The following TFCP2 variants were observed in gnomAD, a reference collection of about 807,000 sequenced individuals.
The protein encoded by TFCP2 is alpha-globin transcription factor CP2.
In TFCP2, 33 loss-of-function variants were observed where a neutral mutation model predicts 73.4. The ratio of observed to expected loss-of-function variants is 0.45; its 90% CI spans 0.34 to 0.60. The LOEUF (loss-of-function observed/expected upper bound fraction) is 0.60, where lower values mean the gene tolerates loss of function less well. Among genes scored for constraint, TFCP2 ranks in the 20% least tolerant of loss-of-function variants. The pLI is 0.01. For synonymous variants in TFCP2, 193 were observed against 211.6 expected (o/e 0.91, Z 0.76); for missense variants, 352 against 604.0 (o/e 0.58, Z 4.37).
intron 1 of TFCP2, among the ~76,000 whole-genome samples, chr12:51,126,586 A>T (rs1940824641): frequency 6.6e-6 from 1 of 152,200 alleles, no homozygotes; most frequent in African/African-American, 2.4e-5. Context: ...TAGAAAAGGG[A>T]GAAGGAGAGG....
At chr12:51,137,414 T>C (rs1027962024) in intron 1 of TFCP2, among the ~76,000 whole-genome samples, 1 of 152,208 alleles carries the variant, frequency 6.6e-6, no homozygotes, top group Non-Finnish European at 1.5e-5. Context: ...CTGTGTCAGA[T>C]ACAAATTTAC....
chr12:51,106,726 G>T, intron 7 of TFCP2, 113 bp from the exon 8 acceptor site: 1 of 814,892 alleles, frequency 1.2e-6, no homozygotes, highest in Non-Finnish European at 2.0e-6. Context: ...ATTCCTCAGA[G>T]ACTCCCATAA....
intron 1 of TFCP2, among the ~76,000 whole-genome samples, chr12:51,132,355 G>GTTTTTTTTTT (rs1276335598): frequency 3.7e-4 from 8 of 21,466 alleles, no homozygotes; most frequent in South Asian, 1.6e-3. Context: ...TTAGGGATTA[G>GTTTTTTTTTT]TCTTTTTTTT....
At chr12:51,106,304 C>A (rs1285438187) in intron 8 of TFCP2, among the ~76,000 whole-genome samples, 2 of 151,804 alleles carry the variant, frequency 1.3e-5, no homozygotes, top group African/African-American at 4.8e-5. Flanking sequence ...GGAAAAAAGA[C>A]GAGGAGGAGG....
At chr12:51,107,369 T>G (rs1940272581) in intron 6 of TFCP2, 23 bp from the exon 7 acceptor site, 1 of 1,592,506 alleles carries the variant, frequency 6.3e-7, no homozygotes, top group Admixed American at 1.8e-5. Context: ...ATATTTTGTT[T>G]TAAATTCAGG....
intron 1 of TFCP2, among the ~76,000 whole-genome samples, chr12:51,122,003 C>G (rs1940688825): frequency 6.6e-6 from 1 of 152,032 alleles, no homozygotes; most frequent in South Asian, 2.1e-4. Context: ...AAGTTGACTA[C>G]ACTCTTGTGA....
intron 8 of TFCP2, among the ~76,000 whole-genome samples, chr12:51,105,693 T>G (rs1329587910): frequency 6.6e-6 from 1 of 152,226 alleles, no homozygotes; most frequent in Non-Finnish European, 1.5e-5. Flanking sequence ...CCTACTTATA[T>G]GTATTCCCTC....
At chr12:51,168,094 TAA>T (rs35503389) in intron 1 of TFCP2, among the ~76,000 whole-genome samples, 7 of 151,274 alleles carry the variant, frequency 4.6e-5, no homozygotes, top group Admixed American at 4.0e-4. Flanking sequence ...AAATTAAAAT[TAA>T]AAAAAAATAA....
At chr12:51,125,315 A>G (rs1566212888) in intron 1 of TFCP2, 2 of 531,486 alleles carry the variant, frequency 3.8e-6, no homozygotes, top group Non-Finnish European at 7.3e-6. Context: ...TCTGTGCCCA[A>G]CATCCACATT....
intron 1 of TFCP2, among the ~76,000 whole-genome samples, chr12:51,128,054 G>A (rs1023889412): frequency 3.7e-4 from 56 of 151,868 alleles, no homozygotes; most frequent in African/African-American, 1.3e-3. Flanking sequence ...TGAGTAGCTG[G>A]GATTACATGT....
chr12:51,110,290 C>T (rs777178409), intron 5 of TFCP2, among the ~76,000 whole-genome samples: 4 of 151,890 alleles, frequency 2.6e-5, no homozygotes, highest in Non-Finnish European at 5.9e-5. Context: ...CAATCAAGGC[C>T]GGGCATGGTG....
chr12:51,164,324 T>C (rs925501985), intron 1 of TFCP2, among the ~76,000 whole-genome samples: 13 of 152,088 alleles, frequency 8.5e-5, no homozygotes, highest in African/African-American at 3.1e-4. Flanking sequence ...CTTGGCCGGG[T>C]ATGGTGGCTC....
intron 1 of TFCP2, chr12:51,125,479 T>G (rs1193746788): frequency 1.1e-5 from 4 of 367,244 alleles, no homozygotes; most frequent in African/African-American, 6.4e-5. Context: ...GTTATTTTTC[T>G]ATTGTTCTGT....
At chr12:51,105,486 A>G (rs190514897) in intron 8 of TFCP2, among the ~76,000 whole-genome samples, 4 of 152,348 alleles carry the variant, frequency 2.6e-5, no homozygotes, top group African/African-American at 9.6e-5. Context: ...GAAGTACACG[A>G]CAAAGAGAAG....
intron 4 of TFCP2, among the ~76,000 whole-genome samples, chr12:51,114,711 A>C (rs1426386342): frequency 6.6e-6 from 1 of 152,128 alleles, no homozygotes; most frequent in Non-Finnish European, 1.5e-5. Flanking sequence ...AGGGAAATGC[A>C]AATCAAAACC....
chr12:51,165,523 A>T (rs1409862252), intron 1 of TFCP2, among the ~76,000 whole-genome samples: 2 of 152,216 alleles, frequency 1.3e-5, no homozygotes, highest in East Asian at 3.9e-4. Context: ...CAAATATATG[A>T]TCCCACGTAT....
At chr12:51,103,598 G>A in intron 10 of TFCP2, 72 bp downstream of exon 10, 1 of 1,146,498 alleles carries the variant, frequency 8.7e-7, no homozygotes, top group Non-Finnish European at 1.3e-6. Flanking sequence ...ACTCTCCCAT[G>A]GATACCAGGA....
rs1242061721 is a variant in TFCP2, at chr12:51,151,882, T to TA, written c.122+20418dup. Among the ~76,000 whole-genome samples, 11 of 152,050 alleles carry TA rather than the reference T, an allele frequency of 7.2e-5. No individual in the cohort carries two copies. The East Asian group carries it at 1.9e-3, about 27-fold the overall frequency. On this transcript the variant is annotated intron_variant, in intron 1 of 14. Coordinates refer to ENST00000257915, the MANE Select transcript of TFCP2 (RefSeq NM_005653.5). Reference sequence around the variant, plus strand: ...GTAAGAATCTATGAGTCTACATTGATAAAAAATAATAGGAACAGAAAGCTC... The same window carrying TA: ...GTAAGAATCTATGAGTCTACATTGATAAAAAAATAATAGGAACAGAAAGCTC...
At chr12:51,106,005 T>A (rs1297826969) in intron 8 of TFCP2, among the ~76,000 whole-genome samples, 2 of 152,254 alleles carry the variant, frequency 1.3e-5, no homozygotes, top group Admixed American at 6.5e-5. Flanking sequence ...AGATTAAATG[T>A]ATCCCATAAA....
Sources: gnomAD v4.1 joint callset for allele counts (sites outside exome capture counted in the v4.1 genomes callset) on GRCh38, gnomAD v4.1.1 for gene constraint, MANE v1.5 for transcripts, NCBI Gene and HGNC (gene_info 2026-07-23, HGNC 2026-07-21) for gene names.